ABCA4: variants seen among roughly 807,000 people sequenced by gnomAD.
The protein encoded by ABCA4 is ATP binding cassette subfamily A member 4.
A neutral mutation model predicts 263.7 loss-of-function variants in ABCA4; 196 were observed. That is an observed-to-expected ratio of 0.74 (90% confidence interval 0.66 to 0.84). The LOEUF (loss-of-function observed/expected upper bound fraction) is 0.84. Ranked by LOEUF, ABCA4 falls within the 40% of genes least tolerant of loss-of-function variation. ABCA4 has a pLI of 0.00. For missense variants in ABCA4, 2,792 were observed against 2,855.1 expected, an observed-to-expected ratio of 0.98 and a Z score of 0.50; for synonymous variants, 1,133 against 1,094.2, an observed-to-expected ratio of 1.04 and a Z score of -0.70.
chr1:94,081,086 A>G (rs976736607), intron 7 of ABCA4, among the ~76,000 whole-genome samples: 1 of 152,122 alleles, frequency 6.6e-6, no homozygotes, highest in African/African-American at 2.4e-5. Context: ...TTAGCCGGAC[A>G]TGGTGGCGGG....
intron 6 of ABCA4, among the ~76,000 whole-genome samples, chr1:94,092,074 G>A (rs547526928): frequency 3.9e-5 from 6 of 152,340 alleles, no homozygotes; most frequent in African/African-American, 1.4e-4. Flanking sequence ...AGCATTGAAT[G>A]TTTTGTTGTT....
chr1:94,077,365 G>C (rs1337455858), intron 11 of ABCA4, among the ~76,000 whole-genome samples: 1 of 152,166 alleles, frequency 6.6e-6, no homozygotes, highest in Non-Finnish European at 1.5e-5. Flanking sequence ...GGGTTGAGGG[G>C]ACACTGGCCA....
In ABCA4 at chr1:94,042,879, C is replaced by A; in HGVS notation, c.3210G>T (p.Leu1070=). 1 of 1,614,234 alleles carries A rather than the reference C, an allele frequency of 6.2e-7. No individual in the cohort carries two copies. The highest frequency in any genetic ancestry group is 1.3e-5 in the African/African-American group (1 of 75,058). The part of the protein sequence containing the change: ...QDLSGGMQRK[L]SVAIAFVGDA... ...CTCCCACAAAGGCAATGGCAACCGA[C>A]AGCTTTCTCTGCATGCCACCTGGAG... Residue 1070 remains leucine, a synonymous_variant, in exon 22 of 50, where the codon CTG becomes CTT. Transcript: ENST00000370225.
chr1:94,028,218 T>G (rs1490625399), intron 30 of ABCA4, among the ~76,000 whole-genome samples: 1 of 152,188 alleles, frequency 6.6e-6, no homozygotes, highest in Non-Finnish European at 1.5e-5. Flanking sequence ...TGGGAACAGT[T>G]TATTCATTGA....
intron 11 of ABCA4, among the ~76,000 whole-genome samples, chr1:94,068,033 C>T (rs1421262114): frequency 6.6e-6 from 1 of 152,032 alleles, no homozygotes; most frequent in East Asian, 1.9e-4. Flanking sequence ...GCCATGGCAG[C>T]TGTTTATCAG....
At chr1:94,066,847 G>T (rs1426706479) in intron 11 of ABCA4, among the ~76,000 whole-genome samples, 1 of 152,206 alleles carries the variant, frequency 6.6e-6, no homozygotes, top group Non-Finnish European at 1.5e-5. Flanking sequence ...TTCTATATCT[G>T]CCCTGTCCAA....
intron 4 of ABCA4, among the ~76,000 whole-genome samples, chr1:94,104,269 G>A (rs1341655179): frequency 6.6e-6 from 1 of 152,170 alleles, no homozygotes; most frequent in Non-Finnish European, 1.5e-5. Flanking sequence ...CAAAGGGAAA[G>A]CACTGGGGTG....
In ABCA4 at chr1:94,069,560, C is replaced by T. The variant is rs139993152; in HGVS notation, c.1555-6243G>A. 2.4e-4 allele frequency among the ~76,000 whole-genome samples: 36 copies of T among 152,344 alleles called. No homozygotes were observed. In the East Asian group the frequency reaches 6.8e-3, roughly 29 times the overall value. ...GCGGGCGATGAATGCCAGCGGAGGGCTCAAGTGGCCCTGCTGGTGTCAAGG... is the reference window on the plus strand; with the variant it reads ...GCGGGCGATGAATGCCAGCGGAGGGTTCAAGTGGCCCTGCTGGTGTCAAGG... On this transcript the variant is annotated intron_variant, in intron 11 of 49. Coordinates refer to ENST00000370225, the MANE Select transcript of ABCA4 (RefSeq NM_000350.3).
At position 94,025,046 on chromosome 1, in the gene ABCA4, T is replaced by C. The variant is rs372923212; in HGVS notation, c.4542A>G (p.Arg1514=). Residue 1514 remains arginine (R), a splice_region_variant and synonymous_variant, in exon 31 of 50, where the codon AGA becomes AGG. Transcript: ENST00000370225. ...EGAGGLPPPQ[R]TQRSTEILQD... Reference sequence around the variant, plus strand: ...GTAGAATTTCCGTGCTGCGCTGTGTTCTCTGAGGCAATGAGACACCCACGT... The same window carrying C: ...GTAGAATTTCCGTGCTGCGCTGTGTCCTCTGAGGCAATGAGACACCCACGT... The C allele has an allele frequency of 1.2e-6, 2 of 1,614,048 alleles. No homozygotes were observed. The highest frequency in any genetic ancestry group is 2.7e-5 in the African/African-American group (2 of 75,048).
intron 2 of ABCA4, among the ~76,000 whole-genome samples, chr1:94,112,188 G>A (rs11165074): frequency 0.19 from 29,449 of 152,182 alleles, 3,375 homozygotes; most frequent in Middle Eastern, 0.35. Context: ...TCCCACAGGG[G>A]CAGAGTGTAA....
Position 94,021,876 on chromosome 1 carries a change from G to A in ABCA4, c.4743C>T (p.Ser1581=), listed in dbSNP as rs539124923. 6.8e-6 allele frequency: 11 copies of A among 1,614,096 alleles called. No homozygotes were observed. The African/African-American group carries it at 9.3e-5, about 14-fold the overall frequency. The change falls in exon 33 of 50, where the codon AGC becomes AGT. Residue 1581 remains serine (S), a synonymous_variant. Coordinates refer to ENST00000370225, the MANE Select transcript of ABCA4 (RefSeq NM_000350.3). ...ITGEALVGFL[S]DLGRIMNVSG... ...TCACATTCATGATCCGGCCAAGGTC[G>A]CTTAAAAACCCAACAAGTGCTTCCC...
rs1660761157 is a variant in ABCA4 at position 94,048,871 on chromosome 1, G to C, written c.2740C>G (p.His914Asp). ...GTATTCTTTATCGGGGTTTTACCGT[G>C]TATTCCTTCTGGGTGCTCTGGATCC... The part of the protein sequence containing the change: ...TEDPEHPEGI[H>D]DSFFEREHPG... The change falls in exon 18 of 50, where the codon CAC becomes GAC. Residue 914 changes from histidine to aspartate, a missense_variant. Coordinates refer to ENST00000370225, the MANE Select transcript of ABCA4 (RefSeq NM_000350.3). 6.2e-7 allele frequency: 1 copy of C among 1,614,088 alleles called. No homozygotes were observed. The highest frequency in any genetic ancestry group is 2.2e-5 in the East Asian group (1 of 44,878).
intron 1 of ABCA4, among the ~76,000 whole-genome samples, chr1:94,118,938 C>T (rs909553305): frequency 6.6e-6 from 1 of 152,168 alleles, no homozygotes; most frequent in African/African-American, 2.4e-5. Flanking sequence ...CATGTGACCC[C>T]CTTTGAGGGT....
At chr1:94,116,779 A>G (rs1005036613) in intron 1 of ABCA4, among the ~76,000 whole-genome samples, 1 of 152,094 alleles carries the variant, frequency 6.6e-6, no homozygotes, top group Admixed American at 6.5e-5. Flanking sequence ...TATAATTAAA[A>G]ACATGTTTTC....
chr1:94,074,881 G>T (rs556221333), intron 11 of ABCA4, among the ~76,000 whole-genome samples: 25 of 152,276 alleles, frequency 1.6e-4, no homozygotes, highest in African/African-American at 6.0e-4. Context: ...GCACATGTAT[G>T]TTTACAATTG....
chr1:94,100,821 T>A (rs961126571), intron 5 of ABCA4, among the ~76,000 whole-genome samples: 4 of 152,176 alleles, frequency 2.6e-5, no homozygotes, highest in African/African-American at 9.6e-5. Flanking sequence ...CGAGCTCCCA[T>A]GTTGGACAGC....
intron 6 of ABCA4, among the ~76,000 whole-genome samples, chr1:94,093,970 T>G (rs765258552): frequency 2.6e-5 from 4 of 152,176 alleles, no homozygotes; most frequent in Non-Finnish European, 4.4e-5. Context: ...TTAGTTTTGT[T>G]TCCTCCCAAC....
chr1:94,119,209 GA>G (rs1454211946), intron 1 of ABCA4, among the ~76,000 whole-genome samples: 2 of 152,074 alleles, frequency 1.3e-5, no homozygotes, highest in African/African-American at 4.8e-5. Flanking sequence ...TTTCATGCAA[GA>G]AGGGAAGCTC....
At chr1:94,055,375 A>T in intron 15 of ABCA4, 60 bp from the exon 16 acceptor site, 1 of 1,553,408 alleles carries the variant, frequency 6.4e-7, no homozygotes, top group Middle Eastern at 2.2e-4. Context: ...ATGCAACAGC[A>T]CCCAGATGCC....
Sources: allele counts gnomAD v4.1 joint callset (sites outside exome capture counted in the v4.1 genomes callset), GRCh38; gene constraint gnomAD v4.1.1; transcripts MANE v1.5; gene names NCBI Gene and HGNC (gene_info 2026-07-23, HGNC 2026-07-21).